MGAT4C: variants seen among roughly 807,000 people sequenced by gnomAD.
MGAT4C encodes the protein alpha-1,3-mannosyl-glycoprotein 4-beta-N-acetylglucosaminyltransferase C.
Under a neutral mutation model 40.1 loss-of-function variants are expected in MGAT4C, and 19 were observed. The ratio of observed to expected loss-of-function variants is 0.47; its 90% CI spans 0.33 to 0.70. MGAT4C has a LOEUF of 0.70. Ranked by LOEUF, MGAT4C falls within the 30% of genes least tolerant of loss-of-function variation. The pLI is 0.02. For missense variants in MGAT4C, 491 were observed against 563.2 expected, an observed-to-expected ratio of 0.87 and a Z score of 1.30; for synonymous variants, 181 against 187.1, an observed-to-expected ratio of 0.97 and a Z score of 0.27.
At chr12:86,686,629 G>A (rs888061636) in intron 2 of MGAT4C, among the ~76,000 whole-genome samples, 2 of 152,134 alleles carry the variant, frequency 1.3e-5, no homozygotes, top group Non-Finnish European at 1.5e-5. Context: ...GTCCGTGATG[G>A]ACTATGTTTA....
intron 4 of MGAT4C, among the ~76,000 whole-genome samples, chr12:86,307,921 T>C (rs1953980002): frequency 6.6e-6 from 1 of 150,414 alleles, no homozygotes; most frequent in Non-Finnish European, 1.5e-5. Context: ...GCCAGGATGG[T>C]CTCGATTTCC....
intron 4 of MGAT4C, among the ~76,000 whole-genome samples, chr12:86,326,923 T>G (rs1954542288): frequency 6.6e-6 from 1 of 152,138 alleles, no homozygotes; most frequent in Non-Finnish European, 1.5e-5. Flanking sequence ...TTCAGACAAT[T>G]GTCAATTTGT....
chr12:86,055,792 CTTG>C (rs1893330114), intron 1 of MGAT4C, among the ~76,000 whole-genome samples: 1 of 151,822 alleles, frequency 6.6e-6, no homozygotes, highest in South Asian at 2.1e-4. Context: ...AGAATAGTAT[CTTG>C]TTTTCATTTG....
At chr12:86,165,988 T>A (rs951550801) in intron 1 of MGAT4C, among the ~76,000 whole-genome samples, 2 of 152,148 alleles carry the variant, frequency 1.3e-5, no homozygotes, top group African/African-American at 4.8e-5. Flanking sequence ...AATTTAAAAT[T>A]TAAGCAGTGT....
At chr12:86,194,499 G>A (rs922846131) in intron 1 of MGAT4C, among the ~76,000 whole-genome samples, 3 of 151,174 alleles carry the variant, frequency 2.0e-5, no homozygotes, top group Non-Finnish European at 2.9e-5. Context: ...TTGTCGCCCA[G>A]GCTGGAGTGC....
At chr12:86,310,214 G>A (rs61950695) in intron 4 of MGAT4C, among the ~76,000 whole-genome samples, 6,368 of 151,838 alleles carry the variant, frequency 0.042, 187 homozygotes, top group Non-Finnish European at 0.064. Context: ...TGGGCTGATT[G>A]TAAGAAGAAT....
intron 3 of MGAT4C, among the ~76,000 whole-genome samples, chr12:86,350,978 T>C (rs1487909881): frequency 1.3e-5 from 2 of 151,746 alleles, no homozygotes; most frequent in Non-Finnish European, 2.9e-5. Context: ...CATATATATA[T>C]CTATATATAT....
At chr12:86,579,529 T>C (rs1960698390) in intron 2 of MGAT4C, among the ~76,000 whole-genome samples, 2 of 151,626 alleles carry the variant, frequency 1.3e-5, no homozygotes, top group Non-Finnish European at 3.0e-5. Context: ...GTTGTTGCGG[T>C]AATTATTTTT....
At chr12:86,628,711 C>T (rs1393543611) in intron 2 of MGAT4C, among the ~76,000 whole-genome samples, 5 of 152,078 alleles carry the variant, frequency 3.3e-5, no homozygotes, top group African/African-American at 1.2e-4. Flanking sequence ...GGTTTTGTCA[C>T]CACCAGGCCC....
chr12:85,989,441 GA>G lies in MGAT4C; in HGVS notation c.105del (p.Leu36SerfsTer4). ...TCAATGTACAAGTTCATAAAAAGGA[GA>G]AAAATGACAAGAACTCCCAAGAATG... ...TVSFLGVLVI[F>X]LLFMNLYIED... On this transcript the variant is annotated frameshift_variant, in exon 3 of 5. Coordinates refer to ENST00000611864, the MANE Select transcript of MGAT4C (RefSeq NM_001351288.2). LOFTEE classifies it high-confidence loss of function. 6.2e-7 allele frequency: 1 copy of G among 1,607,576 alleles called. No homozygotes were observed. The highest frequency in any genetic ancestry group is 1.7e-5 in the Admixed American group (1 of 59,184).
At chr12:86,671,395 A>G (rs1218745650) in intron 2 of MGAT4C, among the ~76,000 whole-genome samples, 5 of 152,148 alleles carry the variant, frequency 3.3e-5, no homozygotes, top group African/African-American at 7.2e-5. Flanking sequence ...TACAAAGGGA[A>G]CCCCATGAAG....
At chr12:86,604,470 C>T (rs775662824) in intron 2 of MGAT4C, among the ~76,000 whole-genome samples, 10 of 151,984 alleles carry the variant, frequency 6.6e-5, no homozygotes, top group Middle Eastern at 3.2e-3. Context: ...ACCAAAATGG[C>T]ATATTTTAGA....
chr12:86,516,070 C>T (rs1317478859), intron 2 of MGAT4C, among the ~76,000 whole-genome samples: 1 of 151,946 alleles, frequency 6.6e-6, no homozygotes, highest in African/African-American at 2.4e-5. Context: ...TATCAAAATC[C>T]TAGCCAACAT....
At chr12:86,131,133 G>T (rs999331418) in intron 1 of MGAT4C, among the ~76,000 whole-genome samples, 3 of 152,104 alleles carry the variant, frequency 2.0e-5, no homozygotes, top group Non-Finnish European at 4.4e-5. Flanking sequence ...CTAGCCATAC[G>T]GCTTTGGACA....
intron 2 of MGAT4C, among the ~76,000 whole-genome samples, chr12:86,436,063 T>C (rs1450514390): frequency 6.6e-6 from 1 of 151,886 alleles, no homozygotes; most frequent in East Asian, 1.9e-4. Flanking sequence ...ATCTTACAAC[T>C]ATATGATTAT....
intron 3 of MGAT4C, among the ~76,000 whole-genome samples, chr12:86,377,655 A>G (rs1955855954): frequency 6.6e-6 from 1 of 152,210 alleles, no homozygotes; most frequent in Non-Finnish European, 1.5e-5. Context: ...ATCAATAATG[A>G]TTTAATATTT....
chr12:86,524,639 T>C (rs1441177321), intron 2 of MGAT4C, among the ~76,000 whole-genome samples: 1 of 152,220 alleles, frequency 6.6e-6, no homozygotes. Flanking sequence ...AAATTTCTCA[T>C]GGATGATATC....
chr12:86,423,861 G>C (rs765717620), intron 3 of MGAT4C, among the ~76,000 whole-genome samples: 2 of 152,134 alleles, frequency 1.3e-5, no homozygotes, highest in Admixed American at 1.3e-4. Flanking sequence ...TTTTAAAAAT[G>C]TATCTATTTA....
At chr12:86,061,847 T>A (rs1894005142) in intron 1 of MGAT4C, among the ~76,000 whole-genome samples, 1 of 152,044 alleles carries the variant, frequency 6.6e-6, no homozygotes. Flanking sequence ...GGGCAGGGCA[T>A]CTCTGAAAAA....
Sources: allele counts gnomAD v4.1 joint callset (sites outside exome capture counted in the v4.1 genomes callset), GRCh38; gene constraint gnomAD v4.1.1; transcripts MANE v1.5; gene names NCBI Gene and HGNC (gene_info 2026-07-23, HGNC 2026-07-21).